The following CATSPERE variants were observed in gnomAD, a reference collection of about 807,000 sequenced individuals.
The protein encoded by CATSPERE is catsper channel auxiliary subunit epsilon.
In CATSPERE, 93 loss-of-function variants were observed where a neutral mutation model predicts 114.1. That is an observed-to-expected ratio of 0.81 (90% CI 0.69 to 0.97). CATSPERE has a LOEUF of 0.97. Among genes scored for constraint, CATSPERE ranks in the 50% least tolerant of loss-of-function variants. CATSPERE has a pLI of 0.00. For synonymous variants in CATSPERE, 341 were observed against 384.1 expected, an observed-to-expected ratio of 0.89 and a Z score of 1.31; for missense variants, 1,058 against 1,131.6, an observed-to-expected ratio of 0.93 and a Z score of 0.93.
intron 20 of CATSPERE, among the ~76,000 whole-genome samples, chr1:244,630,476 G>A (rs1419618356): frequency 6.6e-6 from 1 of 152,172 alleles, no homozygotes; most frequent in Non-Finnish European, 1.5e-5. Flanking sequence ...GGGGTGGTAT[G>A]GATTTGCTTC....
intron 6 of CATSPERE, among the ~76,000 whole-genome samples, chr1:244,493,137 A>G (rs1326933665): frequency 2.6e-5 from 4 of 152,086 alleles, no homozygotes. Flanking sequence ...CGCATCTCCA[A>G]GTCAATCCTA....
intron 5 of CATSPERE, among the ~76,000 whole-genome samples, chr1:244,481,400 G>A (rs1670243436): frequency 6.6e-6 from 1 of 152,172 alleles, no homozygotes; most frequent in Non-Finnish European, 1.5e-5. Context: ...GCAGTGAGCT[G>A]AGATTGCACC....
chr1:244,638,261 T>C (rs970814580), intron 21 of CATSPERE, among the ~76,000 whole-genome samples: 3 of 152,242 alleles, frequency 2.0e-5, no homozygotes, highest in African/African-American at 4.8e-5. Flanking sequence ...TTAGTTCTCA[T>C]TACAATAGCT....
chr1:244,502,588 C>T (rs1191413101), intron 7 of CATSPERE, among the ~76,000 whole-genome samples: 1 of 152,126 alleles, frequency 6.6e-6, no homozygotes, highest in Non-Finnish European at 1.5e-5. Flanking sequence ...TTCACCGGCT[C>T]CTTACTTCCA....
intron 11 of CATSPERE, among the ~76,000 whole-genome samples, chr1:244,578,823 C>CATAT (rs10695652): frequency 0.03 from 3,956 of 132,914 alleles, 172 homozygotes; most frequent in African/African-American, 0.094. Context: ...GGTGCATATA[C>CATAT]ATATATATAT....
upstream of CATSPERE, chr1:244,452,127 A>G (rs1463307695): frequency 4.2e-6 from 1 of 238,440 alleles, no homozygotes; most frequent in African/African-American, 2.3e-5. Flanking sequence ...CTGGCGCGCC[A>G]CTCCCGTGCA....
chr1:244,461,574 C>T (rs1270612186), intron 1 of CATSPERE, 80 bp downstream of exon 1: 5 of 1,160,154 alleles, frequency 4.3e-6, no homozygotes, highest in Non-Finnish European at 4.4e-6. Context: ...CTGCTCTCCA[C>T]CCCATGCGCC....
intron 14 of CATSPERE, among the ~76,000 whole-genome samples, chr1:244,589,037 C>T (rs1380835384): frequency 6.6e-6 from 1 of 152,178 alleles, no homozygotes; most frequent in South Asian, 2.1e-4. Flanking sequence ...AGAATCCCAA[C>T]GTGTGAATTT....
At chr1:244,605,880 G>T in intron 18 of CATSPERE, 86 bp downstream of exon 18, 1 of 911,088 alleles carries the variant, frequency 1.1e-6, no homozygotes, top group South Asian at 1.9e-5. Context: ...GCGATCTAAG[G>T]AAAATAGAAT....
intron 7 of CATSPERE, among the ~76,000 whole-genome samples, chr1:244,517,282 T>G (rs1200029357): frequency 6.6e-6 from 1 of 151,998 alleles, no homozygotes; most frequent in African/African-American, 2.4e-5. Context: ...TACAATCTTC[T>G]TATATGTATT....
intron 7 of CATSPERE, among the ~76,000 whole-genome samples, chr1:244,513,308 A>G (rs890469824): frequency 1.3e-5 from 2 of 152,012 alleles, no homozygotes; most frequent in Non-Finnish European, 2.9e-5. Flanking sequence ...GGCCAGTCCC[A>G]AGGTCTTCAG....
At chr1:244,592,023 AT>A (rs35327273) in intron 15 of CATSPERE, among the ~76,000 whole-genome samples, 96,307 of 151,906 alleles carry the variant, frequency 0.63, 32,171 homozygotes, top group Middle Eastern at 0.82. Flanking sequence ...ACATACAAGA[AT>A]TTTTTTTCCT....
rs1197332750 is a variant in CATSPERE at position 244,621,137 on chromosome 1, A to ATTATATATAGATATATTTATAT, written c.2648+3451_2648+3452insTTATATATAGATATATTTATAT. 6.4e-5 allele frequency among the ~76,000 whole-genome samples: 4 copies of ATTATATATAGATATATTTATAT among 62,602 alleles called. 1 individual carries two copies. Among genetic ancestry groups the ATTATATATAGATATATTTATAT allele is most frequent in the South Asian group, 8.5e-4 (2 of 2,344 alleles). 41.1% of individuals were successfully genotyped at this position (62,602 alleles called of 152,430 possible). The stretch of plus-strand genomic sequence containing the variant: ...ATATAATATATATATAAATATATAT[A>ATTATATATAGATATATTTATAT]AAATATATATATTATAAAATATATA... On this transcript the variant is annotated intron_variant, in intron 20 of 21. Coordinates refer to ENST00000366534, the MANE Select transcript of CATSPERE (RefSeq NM_001130957.2).
chr1:244,543,597 A>T (rs1288446404), intron 8 of CATSPERE, among the ~76,000 whole-genome samples: 29 of 148,294 alleles, frequency 2.0e-4, no homozygotes, highest in South Asian at 4.2e-4. Context: ...CAATAACAGT[A>T]ATATATATGT....
At chr1:244,483,403 C>T (rs1401679730) in intron 5 of CATSPERE, among the ~76,000 whole-genome samples, 1 of 152,142 alleles carries the variant, frequency 6.6e-6, no homozygotes, top group East Asian at 1.9e-4. Flanking sequence ...TGGGTGATGC[C>T]TAAGTAACTT....
At chr1:244,457,073 G>C (rs995758772), upstream of CATSPERE, among the ~76,000 whole-genome samples, 10 of 152,304 alleles carry the variant, frequency 6.6e-5, no homozygotes, top group East Asian at 1.9e-3. Flanking sequence ...TTTAAGCAAA[G>C]TGAAAAAGGT....
intron 20 of CATSPERE, among the ~76,000 whole-genome samples, chr1:244,629,698 GGCATGATCT>G (rs1468956872): frequency 1.3e-5 from 2 of 151,258 alleles, no homozygotes; most frequent in African/African-American, 4.9e-5. Context: ...GGAGTACAAT[GGCATGATCT>G]CAGCTCAATG....
chr1:244,523,286 A>G (rs1455574536), intron 8 of CATSPERE, among the ~76,000 whole-genome samples: 5 of 146,718 alleles, frequency 3.4e-5, no homozygotes, highest in South Asian at 2.1e-4. Context: ...AAATTCAATA[A>G]CCCTTCATGC....
Position 244,626,485 on chromosome 1 carries a change from CAAAAAAA to C in CATSPERE, c.2648+8816_2648+8822del, listed in dbSNP as rs35687880. ...GGGCAACAAGAGCAAAATTCCATCT[CAAAAAAA>C]AAAAAAAAAAAAAAAAGTCCTAGAT... On this transcript the variant is annotated intron_variant, in intron 20 of 21. Coordinates refer to ENST00000366534, the MANE Select transcript of CATSPERE (RefSeq NM_001130957.2). Among the ~76,000 whole-genome samples, 53 of 66,846 alleles carry C rather than the reference CAAAAAAA, an allele frequency of 7.9e-4. 1 individual carries two copies. Among genetic ancestry groups the C allele is most frequent in the African/African-American group, 2.7e-3 (50 of 18,338 alleles). The allele number at this position is 66,846 out of a possible 152,430, so 43.9% of individuals were successfully genotyped here. A position where few individuals can be genotyped will look rare whatever the true frequency, so the allele number is the denominator to read the frequency against.
Sources: gnomAD v4.1 joint callset for allele counts (sites outside exome capture counted in the v4.1 genomes callset) on GRCh38, gnomAD v4.1.1 for gene constraint, MANE v1.5 for transcripts, NCBI Gene and HGNC (gene_info 2026-07-23, HGNC 2026-07-21) for gene names.